CDC42BPA: variants seen among roughly 807,000 people sequenced by gnomAD.
CDC42BPA encodes serine/threonine-protein kinase MRCK alpha.
In CDC42BPA, 80 loss-of-function variants were observed where a neutral mutation model predicts 223.5. The ratio of observed to expected loss-of-function variants is 0.36; its 90% CI spans 0.30 to 0.43. The LOEUF is 0.43. Among genes scored for constraint, CDC42BPA ranks in the 20% least tolerant of loss-of-function variants. CDC42BPA has a pLI of 1.00. For synonymous variants in CDC42BPA, 694 were observed against 718.6 expected (o/e 0.97, Z 0.55); for missense variants, 1,743 against 2,099.9 (o/e 0.83, Z 3.32).
At chr1:227,221,192 C>T (rs1352909068) in intron 2 of CDC42BPA, among the ~76,000 whole-genome samples, 3 of 152,200 alleles carry the variant, frequency 2.0e-5, no homozygotes, top group Non-Finnish European at 4.4e-5. Context: ...ATATACTTCT[C>T]TAATCTTTCT....
chr1:227,261,124 C>CTTTCTTTTTTATTTTTTTTTT (rs386417862), intron 1 of CDC42BPA, among the ~76,000 whole-genome samples: 1 of 121,002 alleles, frequency 8.3e-6, no homozygotes, highest in African/African-American at 3.2e-5. Context: ...TTGAGTTTTT[C>CTTTCTTTTTTATTTTTTTTTT]TTTTTTTTTG....
At chr1:227,227,688 T>C (rs1165971632) in intron 2 of CDC42BPA, among the ~76,000 whole-genome samples, 1 of 152,194 alleles carries the variant, frequency 6.6e-6, no homozygotes, top group East Asian at 1.9e-4. Flanking sequence ...ACTTTGAATT[T>C]TCCCTCTGGT....
rs1304105388 is a variant in CDC42BPA at position 227,317,940 on chromosome 1, T to C, written c.-758A>G. 1 of 397,828 alleles carries C rather than the reference T, an allele frequency of 2.5e-6. No individual in the cohort carries two copies. The allele number at this position is 397,828 out of a possible 1,614,324, so 24.6% of individuals were successfully genotyped here. A position where few individuals can be genotyped will look rare whatever the true frequency, so the allele number is the denominator to read the frequency against. On this transcript the variant is annotated 5_prime_UTR_variant, in exon 1 of 37. Transcript: ENST00000366766. ...CTTCATTTTCCTCCCGGCTTCACCC[T>C]AGGGCCTGACCGGCGGCGCGGCCGG...
Position 227,168,498 on chromosome 1 carries a change from T to TTTTTTTTTTTTGTTTTTTTG in CDC42BPA, c.600-7863_600-7862insCAAAAAAACAAAAAAAAAAA, listed in dbSNP as rs1553374269. Reference sequence around the variant, plus strand: ...TTTTTCATATTTATCTTCCCTGGTGTTTTTTTTTTTTTTTTGAGGCAGAGT... The same window carrying TTTTTTTTTTTTGTTTTTTTG: ...TTTTTCATATTTATCTTCCCTGGTGTTTTTTTTTTTTGTTTTTTTGTTTTTTTTTTTTTTTGAGGCAGAGT... On this transcript the variant is annotated intron_variant, in intron 5 of 36. Coordinates refer to ENST00000366766, the MANE Select transcript of CDC42BPA (RefSeq NM_001394014.1). Among the ~76,000 whole-genome samples the TTTTTTTTTTTTGTTTTTTTG allele has an allele frequency of 7.1e-4, 18 of 25,430 alleles. 2 individuals carry two copies. The highest frequency in any genetic ancestry group is 9.0e-4 in the Admixed American group (3 of 3,328). The allele number at this position is 25,430 out of a possible 152,430, so 16.7% of individuals were successfully genotyped here.
chr1:227,222,647 G>A (rs186244585), intron 2 of CDC42BPA, among the ~76,000 whole-genome samples: 4 of 152,318 alleles, frequency 2.6e-5, no homozygotes, highest in Admixed American at 2.0e-4. Flanking sequence ...AGACACACAG[G>A]CCTTGCTGGG....
At chr1:227,221,676 A>C (rs2150455144) in intron 2 of CDC42BPA, among the ~76,000 whole-genome samples, 1 of 151,992 alleles carries the variant, frequency 6.6e-6, no homozygotes, top group East Asian at 1.9e-4. Flanking sequence ...CTGAATAAAA[A>C]GTTTGTTGGG....
chr1:227,173,769 G>A (rs762802569), intron 5 of CDC42BPA, among the ~76,000 whole-genome samples: 4 of 151,498 alleles, frequency 2.6e-5, no homozygotes, highest in Non-Finnish European at 5.9e-5. Flanking sequence ...GATTTAAATC[G>A]GTATCCATGT....
intron 5 of CDC42BPA, among the ~76,000 whole-genome samples, chr1:227,182,328 A>G (rs955667209): frequency 1.3e-5 from 2 of 152,204 alleles, no homozygotes; most frequent in Non-Finnish European, 2.9e-5. Flanking sequence ...CTTGTAGGCC[A>G]AAGAGCCTAA....
At chr1:227,058,602 C>CTA (rs1389807550) in intron 21 of CDC42BPA, among the ~76,000 whole-genome samples, 1 of 151,936 alleles carries the variant, frequency 6.6e-6, no homozygotes, top group Non-Finnish European at 1.5e-5. Flanking sequence ...GTGTTTATGA[C>CTA]TAGTGTTGGG....
chr1:227,144,370 A>T (rs1660275087), intron 8 of CDC42BPA, among the ~76,000 whole-genome samples: 1 of 152,024 alleles, frequency 6.6e-6, no homozygotes. Context: ...AGGTCAGGAG[A>T]TCAAGACCAT....
intron 1 of CDC42BPA, among the ~76,000 whole-genome samples, chr1:227,274,848 G>A (rs1202269397): frequency 6.6e-6 from 1 of 152,118 alleles, no homozygotes; most frequent in Non-Finnish European, 1.5e-5. Flanking sequence ...TTAGAAAAAG[G>A]TGCAATTCAT....
At chr1:227,254,758 T>C (rs1239109116) in intron 1 of CDC42BPA, among the ~76,000 whole-genome samples, 1 of 152,202 alleles carries the variant, frequency 6.6e-6, no homozygotes, top group Non-Finnish European at 1.5e-5. Context: ...TGATAAAGTT[T>C]TAAGTGCTTC....
intron 10 of CDC42BPA, among the ~76,000 whole-genome samples, chr1:227,138,756 T>C (rs1290852030): frequency 6.6e-6 from 1 of 152,122 alleles, no homozygotes; most frequent in African/African-American, 2.4e-5. Context: ...TTCAGCTGGA[T>C]AGTTGAAGAT....
chr1:227,252,933 A>G lies in CDC42BPA; in HGVS notation c.270+1131T>C, dbSNP rs76870586. 9.8e-4 allele frequency among the ~76,000 whole-genome samples: 149 copies of G among 152,324 alleles called. 1 individual carries two copies. In the East Asian group the frequency reaches 0.021, roughly 21 times the overall value. ...AAACAATTAAGAAATGAAATTTCAC[A>G]AACAATTCTAATTAAAATAATATCA... On this transcript the variant is annotated intron_variant, in intron 2 of 36. Transcript: ENST00000366766.
At position 227,196,338 on chromosome 1, in the gene CDC42BPA, C is replaced by CTTTTTTTTTTTTTTTTCTTT. The variant is rs1553388919; in HGVS notation, c.451-2405_451-2404insAAAGAAAAAAAAAAAAAAAA. The stretch of plus-strand genomic sequence containing the variant: ...GCTTTCTTTTTACTATTAAACAATA[C>CTTTTTTTTTTTTTTTTCTTT]TTTTTTTTTTTTTTTTTTTGAGACA... On this transcript the variant is annotated intron_variant, in intron 4 of 36. Transcript: ENST00000366766. Among the ~76,000 whole-genome samples, 16 of 92,350 alleles carry CTTTTTTTTTTTTTTTTCTTT rather than the reference C, an allele frequency of 1.7e-4. 1 individual carries two copies. The highest frequency in any genetic ancestry group is 2.1e-4 in the Non-Finnish European group (11 of 51,900). The allele number at this position is 92,350 out of a possible 152,430, so 60.6% of individuals were successfully genotyped here. A position where few individuals can be genotyped will look rare whatever the true frequency, so the allele number is the denominator to read the frequency against.
intron 2 of CDC42BPA, among the ~76,000 whole-genome samples, chr1:227,239,202 T>C (rs2148083555): frequency 6.6e-6 from 1 of 152,218 alleles, no homozygotes; most frequent in Admixed American, 6.5e-5. Context: ...TTCTAACTAT[T>C]CTGGAAAAGG....
At chr1:226,996,168 T>A (rs1175207813) in intron 35 of CDC42BPA, among the ~76,000 whole-genome samples, 1 of 152,230 alleles carries the variant, frequency 6.6e-6, no homozygotes, top group Non-Finnish European at 1.5e-5. Context: ...ACACTGGAAC[T>A]GACTGACTGC....
rs763820783 is a variant in CDC42BPA, at chr1:227,016,919, G to A, written c.4739+8C>T. 2 of 1,609,658 alleles carry A rather than the reference G, an allele frequency of 1.2e-6. No homozygotes were observed. Among genetic ancestry groups the A allele is most frequent in the South Asian group, 2.2e-5 (2 of 89,818 alleles). On this transcript the variant is annotated splice_region_variant and intron_variant, in intron 33 of 36. Coordinates refer to ENST00000366766, the MANE Select transcript of CDC42BPA (RefSeq NM_001394014.1). Reference sequence around the variant, plus strand: ...AAGCATGGATGATACTACAGGTTAAGTATCTACCTCCTCTGCTGCATCCTT... The same window carrying A: ...AAGCATGGATGATACTACAGGTTAAATATCTACCTCCTCTGCTGCATCCTT...
intron 34 of CDC42BPA, among the ~76,000 whole-genome samples, chr1:227,009,389 T>C (rs560296319): frequency 1.3e-5 from 2 of 152,218 alleles, no homozygotes; most frequent in Admixed American, 6.5e-5. Context: ...AACATTTCCA[T>C]GGTCTTTTAT....
Sources: allele counts gnomAD v4.1 joint callset (sites outside exome capture counted in the v4.1 genomes callset), GRCh38; gene constraint gnomAD v4.1.1; transcripts MANE v1.5; gene names NCBI Gene and HGNC (gene_info 2026-07-23, HGNC 2026-07-21).